The following RIMS1 variants were observed in gnomAD, a reference collection of about 807,000 sequenced individuals.
RIMS1 encodes the protein regulating synaptic membrane exocytosis protein 1.
In RIMS1, 83 loss-of-function variants were observed where a neutral mutation model predicts 214.1. That is an observed-to-expected ratio of 0.39 (90% confidence interval 0.32 to 0.47). The LOEUF (loss-of-function observed/expected upper bound fraction) is 0.47, where lower values mean the gene tolerates loss of function less well. Among genes scored for constraint, RIMS1 ranks in the 20% least tolerant of loss-of-function variants. RIMS1 has a pLI of 0.99. For synonymous variants in RIMS1, 793 were observed against 786.8 expected (o/e 1.01, Z -0.13); for missense variants, 2,050 against 2,161.8 (o/e 0.95, Z 1.03).
intron 4 of RIMS1, among the ~76,000 whole-genome samples, chr6:72,153,767 T>C (rs2044051552): frequency 6.6e-6 from 1 of 152,222 alleles, no homozygotes; most frequent in Non-Finnish European, 1.5e-5. Flanking sequence ...TGCCCATTTA[T>C]ACTGGTATCT....
intron 1 of RIMS1, among the ~76,000 whole-genome samples, chr6:71,947,100 C>CATATTAGTT (rs1225694229): frequency 1.2e-4 from 18 of 152,172 alleles, no homozygotes; most frequent in Admixed American, 9.8e-4. Context: ...TATCACTTTA[C>CATATTAGTT]ACCGTTAAAA....
At chr6:72,221,771 T>C (rs540014241) in intron 6 of RIMS1, among the ~76,000 whole-genome samples, 2 of 152,148 alleles carry the variant, frequency 1.3e-5, no homozygotes, top group African/African-American at 4.8e-5. Context: ...TATGATATTT[T>C]TTCTTAATAC....
chr6:72,063,498 A>G (rs1187971364), intron 2 of RIMS1, among the ~76,000 whole-genome samples: 1 of 152,216 alleles, frequency 6.6e-6, no homozygotes, highest in African/African-American at 2.4e-5. Flanking sequence ...CCAGAGCAGG[A>G]CTTTGGGCAT....
chr6:71,991,689 C>G (rs1363135831), intron 2 of RIMS1, among the ~76,000 whole-genome samples: 1 of 152,176 alleles, frequency 6.6e-6, no homozygotes, highest in African/African-American at 2.4e-5. Context: ...TTAGAGACTT[C>G]ATATATCTAG....
At chr6:72,060,660 A>AT (rs371912980) in intron 2 of RIMS1, among the ~76,000 whole-genome samples, 1 of 152,072 alleles carries the variant, frequency 6.6e-6, no homozygotes, top group Non-Finnish European at 1.5e-5. Context: ...TACCAAAGCC[A>AT]TTTTTTTAGG....
At chr6:71,968,281 T>G (rs927338419) in intron 1 of RIMS1, among the ~76,000 whole-genome samples, 1 of 152,242 alleles carries the variant, frequency 6.6e-6, no homozygotes, top group Non-Finnish European at 1.5e-5. Flanking sequence ...AGTAGGAGTA[T>G]CTCCTCCTGC....
At chr6:72,228,206 C>A (rs772746366) in intron 6 of RIMS1, among the ~76,000 whole-genome samples, 9 of 151,856 alleles carry the variant, frequency 5.9e-5, no homozygotes, top group African/African-American at 2.2e-4. Flanking sequence ...AAGTATGACA[C>A]ACAGTATTGT....
At chr6:72,291,845 A>G in intron 25 of RIMS1, 89 bp from the exon 26 acceptor site, 2 of 953,240 alleles carry the variant, frequency 2.1e-6, no homozygotes, top group South Asian at 2.8e-5. Flanking sequence ...GTTTATGTCT[A>G]TTTTAATCGT....
chr6:72,171,492 A>G (rs920165389), intron 4 of RIMS1, among the ~76,000 whole-genome samples: 4 of 152,240 alleles, frequency 2.6e-5, no homozygotes, highest in African/African-American at 9.6e-5. Flanking sequence ...TAAAATAACC[A>G]TTATAATGCT....
chr6:72,120,347 T>G (rs896527060), intron 4 of RIMS1, among the ~76,000 whole-genome samples: 18 of 151,912 alleles, frequency 1.2e-4, no homozygotes, highest in Admixed American at 3.9e-4. Context: ...ATTGCCATTC[T>G]AACTGGTGTG....
chr6:72,187,479 G>GT (rs61420518), intron 6 of RIMS1, among the ~76,000 whole-genome samples: 5,693 of 125,390 alleles, frequency 0.045, 364 homozygotes, highest in African/African-American at 0.1. Flanking sequence ...TATCCTTTTT[G>GT]TTTTTTTTTT....
intron 2 of RIMS1, among the ~76,000 whole-genome samples, chr6:72,089,659 C>T (rs1226383198): frequency 2.0e-5 from 3 of 151,526 alleles, no homozygotes; most frequent in Admixed American, 6.6e-5. Flanking sequence ...CCCAGCCATC[C>T]CATTACTGGG....
chr6:71,966,728 G>A (rs1322350307), intron 1 of RIMS1, among the ~76,000 whole-genome samples: 1 of 152,012 alleles, frequency 6.6e-6, no homozygotes, highest in Non-Finnish European at 1.5e-5. Context: ...TCACCATGTT[G>A]GCCAGTCTGG....
At chr6:72,337,937 TG>T (rs1336327874) in intron 29 of RIMS1, among the ~76,000 whole-genome samples, 1 of 151,800 alleles carries the variant, frequency 6.6e-6, no homozygotes, top group Non-Finnish European at 1.5e-5. Flanking sequence ...TTTTTATGGC[TG>T]CATAGTATTC....
intron 9 of RIMS1, among the ~76,000 whole-genome samples, chr6:72,241,826 C>T (rs908541622): frequency 2.0e-5 from 3 of 152,128 alleles, no homozygotes; most frequent in East Asian, 1.9e-4. Flanking sequence ...TGAAGCATGA[C>T]TTGTAATTGG....
chr6:72,300,443 A>G (rs1207607562), intron 26 of RIMS1, among the ~76,000 whole-genome samples: 1 of 151,810 alleles, frequency 6.6e-6, no homozygotes, highest in Non-Finnish European at 1.5e-5. Context: ...AATTGTGCCA[A>G]TCAAGTCTTT....
intron 1 of RIMS1, among the ~76,000 whole-genome samples, chr6:71,917,761 AC>A (rs1778851585): frequency 6.6e-6 from 1 of 152,174 alleles, no homozygotes; most frequent in Non-Finnish European, 1.5e-5. Context: ...GCTTGAACCA[AC>A]CAAAGCAGTA....
At chr6:72,052,123 C>T (rs1018335338) in intron 2 of RIMS1, among the ~76,000 whole-genome samples, 2 of 152,152 alleles carry the variant, frequency 1.3e-5, no homozygotes, top group African/African-American at 4.8e-5. Flanking sequence ...GTATTGAGTC[C>T]TCTGGAATAC....
chr6:71,911,479 G>A (rs1448643924), intron 1 of RIMS1, among the ~76,000 whole-genome samples: 3 of 152,184 alleles, frequency 2.0e-5, no homozygotes, highest in Admixed American at 1.3e-4. Context: ...GTATGATGCA[G>A]ATGGATTGTC....
Sources: allele counts gnomAD v4.1 joint callset (sites outside exome capture counted in the v4.1 genomes callset), GRCh38; gene constraint gnomAD v4.1.1; transcripts MANE v1.5; gene names NCBI Gene and HGNC (gene_info 2026-07-23, HGNC 2026-07-21).